The following EXOC6B variants were observed in gnomAD, a reference collection of about 807,000 sequenced individuals.
The protein encoded by EXOC6B is SEC15 homolog B.
EXOC6B carries 54 observed loss-of-function variants against 113.5 expected under a neutral mutation model. That is an observed-to-expected ratio of 0.48 (90% CI 0.38 to 0.60). EXOC6B has a LOEUF of 0.60. Among genes scored for constraint, EXOC6B ranks in the 20% least tolerant of loss-of-function variants. The probability of loss-of-function intolerance (pLI) is 0.00; values close to 1 mark genes in which losing one functional copy is unlikely to be tolerated. For missense variants in EXOC6B, 797 were observed against 977.5 expected (o/e 0.82, Z 2.46); for synonymous variants, 357 against 339.0 (o/e 1.05, Z -0.58).
intron 6 of EXOC6B, among the ~76,000 whole-genome samples, chr2:72,701,743 A>G (rs1273237374): frequency 6.6e-6 from 1 of 152,092 alleles, no homozygotes; most frequent in Non-Finnish European, 1.5e-5. Flanking sequence ...AGTGAGTCCT[A>G]TGTAATTTAA....
At chr2:72,415,728 TA>T (rs1273637999) in intron 18 of EXOC6B, among the ~76,000 whole-genome samples, 1 of 152,178 alleles carries the variant, frequency 6.6e-6, no homozygotes, top group Non-Finnish European at 1.5e-5. Flanking sequence ...AATTTCTGAC[TA>T]TGCATTGACC....
chr2:72,662,265 C>G (rs1469938029), intron 6 of EXOC6B, among the ~76,000 whole-genome samples: 2 of 152,110 alleles, frequency 1.3e-5, no homozygotes, highest in African/African-American at 4.8e-5. Context: ...CATGTCCTAG[C>G]ATAAGACAAA....
chr2:72,495,245 G>A (rs1036062458), intron 15 of EXOC6B, among the ~76,000 whole-genome samples, 185 bp downstream of exon 15: 3 of 152,128 alleles, frequency 2.0e-5, no homozygotes, highest in African/African-American at 7.2e-5. Flanking sequence ...TCAAAATTAT[G>A]CAAAAGTTAC....
At position 72,498,538 on chromosome 2, in the gene EXOC6B, G is replaced by A. The variant is rs370058154; in HGVS notation, c.1253C>T (p.Pro418Leu). The A allele has an allele frequency of 4.9e-5, 79 of 1,609,476 alleles. 1 individual carries two copies. In the African/African-American group the frequency reaches 9.5e-4, roughly 19 times the overall value. ...CAGCATGTCAAAAAGCTGATTTACAGGGAAACCATACACCTGAAACAAAAT... is the reference window on the plus strand; with the variant it reads ...CAGCATGTCAAAAAGCTGATTTACAAGGAAACCATACACCTGAAACAAAAT... Reference protein sequence around the residue: ...FADTLQVYGFPVNQLFDMLLE... With the variant: ...FADTLQVYGFLVNQLFDMLLE... Residue 418 changes from proline (P) to leucine (L), a missense_variant, in exon 13 of 22, where the codon CCT becomes CTT. Physicochemically the swap from Pro to Leu is moderately conservative, Grantham distance 98. Transcript: ENST00000272427.
At chr2:72,478,733 A>T (rs1470687962) in intron 17 of EXOC6B, among the ~76,000 whole-genome samples, 1 of 152,252 alleles carries the variant, frequency 6.6e-6, no homozygotes, top group Non-Finnish European at 1.5e-5. Context: ...TAAGTTGAAA[A>T]GCTATTGACA....
intron 6 of EXOC6B, among the ~76,000 whole-genome samples, chr2:72,630,133 G>A (rs963536158): frequency 6.6e-6 from 1 of 152,166 alleles, no homozygotes; most frequent in African/African-American, 2.4e-5. Context: ...CAGGACTGGA[G>A]CAAAAGGTTT....
chr2:72,447,123 T>C (rs1696632448), intron 18 of EXOC6B, among the ~76,000 whole-genome samples: 1 of 152,040 alleles, frequency 6.6e-6, no homozygotes, highest in African/African-American at 2.4e-5. Context: ...AAAAGAATGT[T>C]AGAGATTGTT....
chr2:72,386,531 G>A (rs1397783924), intron 18 of EXOC6B, among the ~76,000 whole-genome samples: 2 of 152,214 alleles, frequency 1.3e-5, no homozygotes, highest in African/African-American at 2.4e-5. Context: ...TCACTACCCT[G>A]TGCAGCCTCA....
At chr2:72,700,689 C>T (rs533330186) in intron 6 of EXOC6B, among the ~76,000 whole-genome samples, 10 of 152,274 alleles carry the variant, frequency 6.6e-5, no homozygotes, top group African/African-American at 1.2e-4. Flanking sequence ...TGGGGCCAGG[C>T]GCAGTGGCTC....
chr2:72,393,817 T>A (rs896912700), intron 18 of EXOC6B, among the ~76,000 whole-genome samples: 4 of 152,194 alleles, frequency 2.6e-5, no homozygotes, highest in African/African-American at 4.8e-5. Flanking sequence ...CATTAATCAG[T>A]GCATGCCCAA....
At chr2:72,260,660 T>G (rs920905100) in intron 20 of EXOC6B, among the ~76,000 whole-genome samples, 1 of 152,154 alleles carries the variant, frequency 6.6e-6, no homozygotes, top group Admixed American at 6.6e-5. Flanking sequence ...TCCAGATAAT[T>G]TGATAAGAGA....
At chr2:72,334,169 T>A (rs1688562167) in intron 20 of EXOC6B, among the ~76,000 whole-genome samples, 1 of 151,808 alleles carries the variant, frequency 6.6e-6, no homozygotes, top group Non-Finnish European at 1.5e-5. Flanking sequence ...ATCTTAAGAG[T>A]GAAGAGATGA....
At chr2:72,200,681 A>C (rs1188804043) in intron 20 of EXOC6B, among the ~76,000 whole-genome samples, 1 of 152,238 alleles carries the variant, frequency 6.6e-6, no homozygotes, top group Non-Finnish European at 1.5e-5. Context: ...CTGTGGTTGG[A>C]ATACAGGCCC....
At chr2:72,396,053 T>C (rs892118818) in intron 18 of EXOC6B, among the ~76,000 whole-genome samples, 1 of 152,124 alleles carries the variant, frequency 6.6e-6, no homozygotes, top group Non-Finnish European at 1.5e-5. Flanking sequence ...AATTTTAATA[T>C]GAACTAGACT....
In EXOC6B at chr2:72,693,152, C is replaced by T. The variant is rs148302543; in HGVS notation, c.669+24951G>A. Among the ~76,000 whole-genome samples the T allele has an allele frequency of 3.8e-3, 584 of 152,288 alleles. 5 individuals are homozygous for T. Among genetic ancestry groups the T allele is most frequent in the African/African-American group, 0.014 (562 of 41,548 alleles). ...GTTCCCTATATATTCCCTGCCCCCA[C>T]ATCCAAAGAAGGAAAAGAAGCAATC... is the stretch of plus-strand genomic sequence containing the variant. On this transcript the variant is annotated intron_variant, in intron 6 of 21. Coordinates refer to ENST00000272427, the MANE Select transcript of EXOC6B (RefSeq NM_015189.3).
intron 6 of EXOC6B, among the ~76,000 whole-genome samples, chr2:72,643,483 AATC>A (rs1252688484): frequency 1.3e-5 from 2 of 149,746 alleles, no homozygotes; most frequent in African/African-American, 5.0e-5. Context: ...TGAAATTGGA[AATC>A]ATCATTCTCA....
chr2:72,672,469 C>T (rs988978256), intron 6 of EXOC6B, among the ~76,000 whole-genome samples: 4 of 148,154 alleles, frequency 2.7e-5, no homozygotes, highest in Non-Finnish European at 5.9e-5. Context: ...CCTCTACTAA[C>T]CCGGGAGGCG....
chr2:72,576,532 G>A (rs939868369), intron 6 of EXOC6B, among the ~76,000 whole-genome samples: 1 of 152,114 alleles, frequency 6.6e-6, no homozygotes, highest in Admixed American at 6.6e-5. Context: ...AGGCAAGTGA[G>A]TGGTAAATCA....
intron 16 of EXOC6B, among the ~76,000 whole-genome samples, chr2:72,488,885 C>A (rs998763935): frequency 2.0e-5 from 3 of 152,174 alleles, no homozygotes; most frequent in Admixed American, 2.0e-4. Context: ...CTCCCCATTT[C>A]ACGCAAAATA....
Sources: gnomAD v4.1 joint callset for allele counts (sites outside exome capture counted in the v4.1 genomes callset) on GRCh38, gnomAD v4.1.1 for gene constraint, MANE v1.5 for transcripts, NCBI Gene and HGNC (gene_info 2026-07-23, HGNC 2026-07-21) for gene names.